Variants in PRH1 observed in about 807,000 individuals in gnomAD.
PRH1 encodes proline rich protein HaeIII subfamily 1, also known as salivary acidic proline-rich phosphoprotein 1/2.
PRH1 carries 7 observed loss-of-function variants against 7.9 expected under a neutral mutation model. That is an observed-to-expected ratio of 0.89 (90% confidence interval 0.50 to 1.67). The LOEUF is 1.67. Ranked by LOEUF, PRH1 falls within the 40% of genes most tolerant of loss-of-function variation. The pLI, the probability that PRH1 is intolerant of heterozygous loss-of-function variation, is 0.00. For missense variants in PRH1, 109 were observed against 223.6 expected (o/e 0.49, Z 3.27); for synonymous variants, 45 against 80.8 (o/e 0.56, Z 2.38).
chr12:11,013,184 C>T (rs1452187876), intron 1 of PRH1, among the ~76,000 whole-genome samples: 1 of 152,136 alleles, frequency 6.6e-6, no homozygotes, highest in Non-Finnish European at 1.5e-5. Context: ...TGGAGGATTA[C>T]ACTTTCTGGT....
At chr12:11,029,148 T>C in intron 1 of PRH1, among the ~76,000 whole-genome samples, 1 of 152,294 alleles carries the variant, frequency 6.6e-6, no homozygotes, top group Non-Finnish European at 1.5e-5. Context: ...GGTGGGGGGA[T>C]GATTCATCTT....
chr12:10,929,864 G>A (rs1026612858), intron 2 of PRH1, among the ~76,000 whole-genome samples: 2 of 152,118 alleles, frequency 1.3e-5, no homozygotes, highest in Non-Finnish European at 2.9e-5. Flanking sequence ...GTGCTGGGAC[G>A]GGCATTTGTA....
chr12:10,963,329 TA>T (rs1938346099), intron 2 of PRH1, among the ~76,000 whole-genome samples: 2 of 152,214 alleles, frequency 1.3e-5, no homozygotes, highest in South Asian at 4.1e-4. Context: ...ATAAAACATA[TA>T]TTTAAGTCAT....
intron 1 of PRH1, among the ~76,000 whole-genome samples, chr12:11,016,549 C>G (rs1941304692): frequency 6.6e-6 from 1 of 152,042 alleles, no homozygotes. Flanking sequence ...CTGTGTAGCC[C>G]AAGGTGGTCT....
At chr12:11,131,730 G>A (rs902873776) in intron 1 of PRH1, among the ~76,000 whole-genome samples, 3 of 152,042 alleles carry the variant, frequency 2.0e-5, no homozygotes, top group Non-Finnish European at 2.9e-5. Flanking sequence ...TAAAATTGTG[G>A]AATAGCCAAA....
At chr12:11,163,353 A>G (rs1009911496) in intron 1 of PRH1, among the ~76,000 whole-genome samples, 2 of 138,032 alleles carry the variant, frequency 1.4e-5, no homozygotes, top group African/African-American at 4.9e-5. Context: ...AGGAATATTA[A>G]TCCTGAAAAA....
chr12:11,018,360 A>T (rs1219255695), intron 1 of PRH1, among the ~76,000 whole-genome samples: 1 of 152,244 alleles, frequency 6.6e-6, no homozygotes, highest in Non-Finnish European at 1.5e-5. Flanking sequence ...CCACAGTTGG[A>T]GGGCATGAGC....
intron 1 of PRH1, among the ~76,000 whole-genome samples, chr12:11,099,477 T>A (rs1945167309): frequency 6.6e-6 from 1 of 151,966 alleles, no homozygotes; most frequent in African/African-American, 2.4e-5. Context: ...GGAGGGCAGA[T>A]CACGAGGTCA....
intron 1 of PRH1, among the ~76,000 whole-genome samples, chr12:11,004,465 A>T (rs893985112): frequency 1.3e-5 from 2 of 152,132 alleles, no homozygotes; most frequent in Non-Finnish European, 2.9e-5. Flanking sequence ...AGATCACACC[A>T]CTGCACTCCA....
rs1056390724 is a variant in PRH1, at chr12:10,985,867, A to G, written c.-125-12146T>C. 2.3e-6 allele frequency: 3 copies of G among 1,300,506 alleles called. No individual in the cohort carries two copies. In the Admixed American group the frequency reaches 6.9e-5, roughly 30 times the overall value. The allele number at this position is 1,300,506 out of a possible 1,614,324, so 80.6% of individuals were successfully genotyped here. On this transcript the variant is annotated intron_variant, in intron 1 of 3. Coordinates refer to the PRH1 transcript ENST00000539853. ...ACAGAAAAAACAGTAAAAAGTATAA[A>G]ATGTTCCAGACACTATCAGTTTGTT...
intron 1 of PRH1, among the ~76,000 whole-genome samples, chr12:11,072,143 GTTGTT>G (rs1944100422): frequency 6.6e-6 from 1 of 152,084 alleles, no homozygotes; most frequent in Non-Finnish European, 1.5e-5. Flanking sequence ...AATTTTTGTT[GTTGTT>G]TTTTCTTTTT....
chr12:10,924,701 G>T (rs984478038), intron 2 of PRH1, among the ~76,000 whole-genome samples: 4 of 152,178 alleles, frequency 2.6e-5, no homozygotes, highest in Admixed American at 1.3e-4. Context: ...TATACTCAGG[G>T]ATTCAAATTC....
intron 1 of PRH1, among the ~76,000 whole-genome samples, chr12:11,062,474 G>C (rs988179053): frequency 2.6e-5 from 4 of 152,024 alleles, no homozygotes; most frequent in Non-Finnish European, 5.9e-5. Context: ...ATGCTAATGG[G>C]TAAGTTCAAC....
chr12:10,936,116 T>C (rs370234954), intron 2 of PRH1, among the ~76,000 whole-genome samples: 3 of 151,938 alleles, frequency 2.0e-5, no homozygotes, highest in Admixed American at 1.3e-4. Flanking sequence ...AGCTCTCTGC[T>C]ATTGCTCTCC....
intron 1 of PRH1, chr12:11,133,886 C>G: frequency 6.2e-7 from 1 of 1,614,032 alleles, no homozygotes; most frequent in Non-Finnish European, 8.5e-7. Context: ...CCTCTTTATG[C>G]GAAGAAAAAT....
At chr12:11,056,630 C>T (rs1943372553) in intron 1 of PRH1, among the ~76,000 whole-genome samples, 1 of 152,064 alleles carries the variant, frequency 6.6e-6, no homozygotes, top group African/African-American at 2.4e-5. Flanking sequence ...CCAGTATGGC[C>T]AACATGGTGA....
At chr12:10,922,031 A>G (rs531028086) in intron 2 of PRH1, among the ~76,000 whole-genome samples, 60 of 152,154 alleles carry the variant, frequency 3.9e-4, no homozygotes, top group East Asian at 3.7e-3. Flanking sequence ...TGACCTCCCA[A>G]TGTTCGGGGA....
chr12:10,884,124 G>A (rs1949453283), intron 1 of PRH1, 30 bp downstream of exon 1: 1 of 1,613,850 alleles, frequency 6.2e-7, no homozygotes, highest in Admixed American at 1.7e-5. Flanking sequence ...CCCAATCAGA[G>A]TCACAATATC....
chr12:10,913,919 C>T (rs925289352), intron 2 of PRH1, among the ~76,000 whole-genome samples: 1 of 152,192 alleles, frequency 6.6e-6, no homozygotes, highest in Middle Eastern at 3.2e-3. Flanking sequence ...ACAAAAACTT[C>T]TCCTACGTGG....
Sources: allele counts gnomAD v4.1 joint callset (sites outside exome capture counted in the v4.1 genomes callset), GRCh38; gene constraint gnomAD v4.1.1; transcripts MANE v1.5; gene names NCBI Gene and HGNC (gene_info 2026-07-23, HGNC 2026-07-21).